Variants in CMIP observed in about 807,000 individuals in gnomAD.
CMIP encodes the protein c-Maf inducing protein, also known as C-Maf-inducing protein.
A neutral mutation model predicts 97.3 loss-of-function variants in CMIP; 13 were observed. The observed-to-expected ratio is 0.13, with a 90% confidence interval of 0.09 to 0.21. The LOEUF (loss-of-function observed/expected upper bound fraction) is 0.21, where lower values mean the gene tolerates loss of function less well. Among genes scored for constraint, CMIP ranks in the 10% least tolerant of loss-of-function variants. The probability of loss-of-function intolerance (pLI) is 1.00; values close to 1 mark genes in which losing one functional copy is unlikely to be tolerated. For missense variants in CMIP, 847 were observed against 1,024.9 expected (o/e 0.83, Z 2.37); for synonymous variants, 538 against 436.3 (o/e 1.23, Z -2.91).
At chr16:81,635,017 A>G (rs1447653840) in intron 3 of CMIP, among the ~76,000 whole-genome samples, 1 of 152,094 alleles carries the variant, frequency 6.6e-6, no homozygotes, top group African/African-American at 2.4e-5. Flanking sequence ...CCCTCACTGT[A>G]TTTCGGAAGG....
chr16:81,565,071 G>A (rs1378888739), intron 1 of CMIP, among the ~76,000 whole-genome samples: 2 of 152,054 alleles, frequency 1.3e-5, no homozygotes, highest in Non-Finnish European at 2.9e-5. Flanking sequence ...CTTCAAGCGG[G>A]GCCTTAAGAC....
chr16:81,568,806 C>A (rs1161788616), intron 1 of CMIP, among the ~76,000 whole-genome samples: 1 of 152,192 alleles, frequency 6.6e-6, no homozygotes, highest in Non-Finnish European at 1.5e-5. Flanking sequence ...TCGCCATAAA[C>A]CAGTCTGAAA....
At chr16:81,546,498 G>A (rs1213962042) in intron 1 of CMIP, among the ~76,000 whole-genome samples, 1 of 152,142 alleles carries the variant, frequency 6.6e-6, no homozygotes, top group Non-Finnish European at 1.5e-5. Context: ...TCAGTTGCAG[G>A]CGGTTCATTC....
At chr16:81,520,388 T>G (rs2089996710) in intron 1 of CMIP, 1 of 152,202 alleles carries the variant, frequency 6.6e-6, no homozygotes, top group Non-Finnish European at 1.5e-5. Flanking sequence ...TAGAGAGTGT[T>G]TGCTTACTTA....
chr16:81,709,298 GGCATATACGGT>G (rs1294909194), intron 20 of CMIP, among the ~76,000 whole-genome samples: 2 of 152,244 alleles, frequency 1.3e-5, no homozygotes, highest in African/African-American at 4.8e-5. Flanking sequence ...CCTTTCATAG[GGCATATACGGT>G]GCCCTGGGCT....
chr16:81,598,968 CAAA>C lies in CMIP; in HGVS notation c.301-8579_301-8577del, dbSNP rs141717317. ...TGAGTGACAGAGCAAGACTCTGTCT[CAAA>C]AAAAAAAAAAAAAAAAAAAGAGTAG... On this transcript the variant is annotated intron_variant, in intron 1 of 20. Transcript: ENST00000537098. 1.2e-4 allele frequency among the ~76,000 whole-genome samples: 6 copies of C among 49,846 alleles called. No homozygotes were observed. The East Asian group carries it at 2.5e-3, about 20-fold the overall frequency. The allele number at this position is 49,846 out of a possible 152,430, so 32.7% of individuals were successfully genotyped here. A position where few individuals can be genotyped will look rare whatever the true frequency, so the allele number is the denominator to read the frequency against.
rs200811388 is a variant in CMIP, at chr16:81,711,348, A to AC, written c.*1556dup. On this transcript the variant is annotated 3_prime_UTR_variant, in exon 21 of 21. Transcript: ENST00000537098. Reference sequence around the variant, plus strand: ...TATACTTTGCTAGGTAGACTTTATTACCCCCCCACTATGCCCTCATTTTTT... The same window carrying AC: ...TATACTTTGCTAGGTAGACTTTATTACCCCCCCCACTATGCCCTCATTTTTT... 381 of 149,982 alleles carry AC rather than the reference A, an allele frequency of 2.5e-3. 2 individuals carry two copies. The highest frequency in any genetic ancestry group is 8.7e-3 in the African/African-American group (355 of 40,636). 9.3% of individuals were successfully genotyped at this position (149,982 alleles called of 1,614,324 possible). A position where few individuals can be genotyped will look rare whatever the true frequency, so the allele number is the denominator to read the frequency against.
At position 81,607,568 on chromosome 16, in the gene CMIP, C is replaced by G; in HGVS notation, c.302C>G (p.Pro101Arg). The G allele has an allele frequency of 6.2e-7, 1 of 1,613,464 alleles. No individual in the cohort carries two copies. Among genetic ancestry groups the G allele is most frequent in the South Asian group, 1.1e-5 (1 of 91,020 alleles). ...CTTCTTTTTCTTTTTTTGCTGCAGCCAACTGGGTACATGGAAAACTCAGTC... is the reference window on the plus strand; with the variant it reads ...CTTCTTTTTCTTTTTTTGCTGCAGCGAACTGGGTACATGGAAAACTCAGTC... ...LADNSLASAT[P>R]TGYMENSVSY... The change falls in exon 2 of 21, where the codon CCA (proline) becomes CGA (arginine). Residue 101 changes from proline to arginine, a missense_variant and splice_region_variant. This residue lies in a region of CMIP where 285 missense variants were observed against 392.2 expected (regional missense o/e 0.73). Transcript: ENST00000537098.
chr16:81,515,638 T>C (rs2089898204), intron 1 of CMIP, among the ~76,000 whole-genome samples: 1 of 152,172 alleles, frequency 6.6e-6, no homozygotes, highest in Non-Finnish European at 1.5e-5. Flanking sequence ...GCTTTATTCT[T>C]TTAGCAAATG....
intron 6 of CMIP, among the ~76,000 whole-genome samples, chr16:81,661,671 G>C (rs1199141874): frequency 6.6e-6 from 1 of 152,210 alleles, no homozygotes; most frequent in Non-Finnish European, 1.5e-5. Flanking sequence ...AGTGGGACCA[G>C]CCTGTGGGGT....
intron 1 of CMIP, among the ~76,000 whole-genome samples, chr16:81,501,673 G>A (rs1033107852): frequency 3.4e-5 from 5 of 149,176 alleles, no homozygotes; most frequent in South Asian, 2.1e-4. Context: ...GTGCAGTGTC[G>A]TGATCTCAGC....
At chr16:81,584,950 A>T (rs1189164763) in intron 1 of CMIP, among the ~76,000 whole-genome samples, 2 of 152,252 alleles carry the variant, frequency 1.3e-5, no homozygotes, top group Non-Finnish European at 2.9e-5. Context: ...CCATTTTAAT[A>T]TCACCCGTAA....
intron 1 of CMIP, among the ~76,000 whole-genome samples, chr16:81,499,106 G>A (rs1000179203): frequency 1.3e-5 from 2 of 152,098 alleles, no homozygotes; most frequent in Admixed American, 6.5e-5. Flanking sequence ...AAGCTAGATC[G>A]TGTGCTCAAG....
intron 1 of CMIP, among the ~76,000 whole-genome samples, chr16:81,480,227 C>T (rs925496756): frequency 2.6e-5 from 4 of 152,174 alleles, no homozygotes; most frequent in Non-Finnish European, 5.9e-5. Flanking sequence ...GTAACTTACC[C>T]AAGCTCTCTC....
chr16:81,580,050 G>A (rs779646284), intron 1 of CMIP, among the ~76,000 whole-genome samples: 36 of 152,346 alleles, frequency 2.4e-4, no homozygotes, highest in Admixed American at 1.4e-3. Context: ...CTGAAGAACG[G>A]ATATTTCCAG....
intron 1 of CMIP, among the ~76,000 whole-genome samples, chr16:81,490,346 G>A (rs747475991): frequency 6.6e-5 from 10 of 152,304 alleles, no homozygotes; most frequent in South Asian, 2.1e-4. Flanking sequence ...TGGATCGGGC[G>A]TGGTGGCTCA....
At chr16:81,689,189 G>A (rs1222472165) in intron 10 of CMIP, among the ~76,000 whole-genome samples, 1 of 152,152 alleles carries the variant, frequency 6.6e-6, no homozygotes, top group East Asian at 1.9e-4. Flanking sequence ...GGGATGGCTG[G>A]GTCAAATGGT....
chr16:81,682,670 G>C (rs765752276), intron 10 of CMIP, among the ~76,000 whole-genome samples: 1 of 152,220 alleles, frequency 6.6e-6, no homozygotes, highest in Non-Finnish European at 1.5e-5. Context: ...CACATCCATC[G>C]GAGAGGGCAG....
chr16:81,598,675 A>G (rs1022170624), intron 1 of CMIP, among the ~76,000 whole-genome samples: 2 of 152,220 alleles, frequency 1.3e-5, no homozygotes, highest in Non-Finnish European at 2.9e-5. Context: ...ACAGAAGAGC[A>G]GTAACGTTCG....
Sources: gnomAD v4.1 joint callset for allele counts (sites outside exome capture counted in the v4.1 genomes callset) on GRCh38, gnomAD v4.1.1 for gene constraint, gnomAD v4.1.1 regional missense constraint, MANE v1.5 for transcripts, NCBI Gene and HGNC (gene_info 2026-07-23, HGNC 2026-07-21) for gene names.